Variants in WASHC2C observed in about 807,000 individuals in gnomAD.
WASHC2C encodes the protein Vaccinia Penetration Factor.
Under a neutral mutation model 142.2 loss-of-function variants are expected in WASHC2C, and 73 were observed. The ratio of observed to expected loss-of-function variants is 0.51; its 90% CI spans 0.43 to 0.62. The LOEUF (loss-of-function observed/expected upper bound fraction) is 0.62. WASHC2C is among the 20% of genes least tolerant of loss of function. The pLI, the probability that WASHC2C is intolerant of heterozygous loss-of-function variation, is 0.00. For missense variants in WASHC2C, 969 were observed against 1,531.7 expected (o/e 0.63, Z 6.13); for synonymous variants, 337 against 565.5 (o/e 0.60, Z 5.73).
chr10:45,740,950 A>G (rs1443847564), intron 5 of WASHC2C, among the ~76,000 whole-genome samples: 2 of 150,706 alleles, frequency 1.3e-5, no homozygotes, highest in African/African-American at 4.9e-5. Flanking sequence ...CACAGAACCA[A>G]ACCCTTTTTT....
chr10:45,744,119 T>G (rs71496642), intron 6 of WASHC2C, among the ~76,000 whole-genome samples: 1 of 149,922 alleles, frequency 6.7e-6, no homozygotes, highest in Non-Finnish European at 1.5e-5. Context: ...AATGCAATGG[T>G]GCGATCTTGG....
intron 3 of WASHC2C, among the ~76,000 whole-genome samples, chr10:45,731,152 G>T (rs2050525394): frequency 6.9e-6 from 1 of 145,194 alleles, no homozygotes; most frequent in East Asian, 2.0e-4. Context: ...TTTGGTAATT[G>T]TTCTTTATTT....
chr10:45,761,173 A>G (rs1241184710), intron 17 of WASHC2C, among the ~76,000 whole-genome samples: 1 of 151,520 alleles, frequency 6.6e-6, no homozygotes, highest in Non-Finnish European at 1.5e-5. Context: ...CAGCTCACTC[A>G]TATGTCTGGT....
chr10:45,788,105 A>T (rs1344822470), intron 28 of WASHC2C, among the ~76,000 whole-genome samples: 1 of 152,128 alleles, frequency 6.6e-6, no homozygotes, highest in Non-Finnish European at 1.5e-5. Context: ...GACAATTTTC[A>T]TTGGCTTTTT....
At chr10:45,759,942 C>G (rs2054880155) in intron 17 of WASHC2C, among the ~76,000 whole-genome samples, 2 of 150,102 alleles carry the variant, frequency 1.3e-5, no homozygotes, top group African/African-American at 4.9e-5. Flanking sequence ...AAAATCCTCT[C>G]TCTTTAGGAT....
intron 5 of WASHC2C, among the ~76,000 whole-genome samples, chr10:45,740,839 G>T (rs1179671920): frequency 1.3e-5 from 2 of 152,100 alleles, no homozygotes; most frequent in African/African-American, 4.8e-5. Flanking sequence ...AGAGACAATT[G>T]GGGTGACACA....
At chr10:45,732,800 G>A (rs2050756019) in intron 3 of WASHC2C, among the ~76,000 whole-genome samples, 1 of 152,226 alleles carries the variant, frequency 6.6e-6, no homozygotes, top group Non-Finnish European at 1.5e-5. Flanking sequence ...CTGAATTTTG[G>A]TCATTTTTCC....
chr10:45,727,069 G>A (rs1173493142), upstream of WASHC2C: 13 of 1,256,836 alleles, frequency 1.0e-5, no homozygotes, highest in Non-Finnish European at 1.3e-5. Flanking sequence ...CGTTCCTGGC[G>A]TCAGCCCCTA....
intron 19 of WASHC2C, among the ~76,000 whole-genome samples, chr10:45,766,515 C>G (rs1298863705): frequency 6.8e-6 from 1 of 146,310 alleles, no homozygotes; most frequent in Non-Finnish European, 1.5e-5. Context: ...CTTCTGTTTT[C>G]TCAAATGCCA....
In WASHC2C at chr10:45,737,997, A is replaced by G; in HGVS notation, c.306A>G (p.Glu102=). ...TCCATATTTAGCGTGTATATGATGA[A>G]GAAGTGGAGGAGCCAGTACTCAAGG... is the stretch of plus-strand genomic sequence containing the variant. ...TQFIENRVYD[E]EVEEPVLKAE... Residue 102 remains glutamate, a synonymous_variant, in exon 4 of 31, where the codon GAA becomes GAG. Coordinates refer to ENST00000623400, the MANE Select transcript of WASHC2C (RefSeq NM_001330074.2). The G allele has an allele frequency of 1.9e-6, 3 of 1,611,598 alleles. No homozygotes were observed. Among genetic ancestry groups the G allele is most frequent in the Non-Finnish European group, 2.5e-6 (3 of 1,179,796 alleles).
intron 12 of WASHC2C, 84 bp downstream of exon 12, chr10:45,752,790 T>C (rs1258588492): frequency 7.5e-6 from 7 of 931,322 alleles, no homozygotes; most frequent in Non-Finnish European, 1.1e-5. Flanking sequence ...GCTTGTTTAG[T>C]GGGGGAAAAA....
intron 17 of WASHC2C, among the ~76,000 whole-genome samples, chr10:45,761,920 G>T (rs1235826201): frequency 6.6e-6 from 1 of 151,950 alleles, no homozygotes; most frequent in Non-Finnish European, 1.5e-5. Flanking sequence ...GGACTCCGGG[G>T]AGCACAGGGG....
intron 23 of WASHC2C, among the ~76,000 whole-genome samples, chr10:45,780,907 C>G (rs1407238393): frequency 4.0e-5 from 6 of 151,658 alleles, no homozygotes; most frequent in African/African-American, 1.5e-4. Context: ...GCACCCACCA[C>G]CATGCCCAGC....
chr10:45,728,487 C>T (rs2050169125), intron 2 of WASHC2C, among the ~76,000 whole-genome samples: 1 of 152,024 alleles, frequency 6.6e-6, no homozygotes, highest in Non-Finnish European at 1.5e-5. Flanking sequence ...ACCTGTAATC[C>T]TAGCACTTTG....
At chr10:45,756,399 G>T (rs1293167166) in intron 15 of WASHC2C, among the ~76,000 whole-genome samples, 1 of 152,224 alleles carries the variant, frequency 6.6e-6, no homozygotes, top group Non-Finnish European at 1.5e-5. Flanking sequence ...GGAAGATTTT[G>T]TAGGTACATT....
intron 5 of WASHC2C, among the ~76,000 whole-genome samples, chr10:45,742,135 A>G (rs532572935): frequency 6.6e-6 from 1 of 152,108 alleles, no homozygotes; most frequent in East Asian, 1.9e-4. Flanking sequence ...TGGGACTGAC[A>G]GGAGTAGACG....
intron 30 of WASHC2C, among the ~76,000 whole-genome samples, chr10:45,790,804 A>G (rs1438401958): frequency 6.6e-6 from 1 of 152,168 alleles, no homozygotes; most frequent in Non-Finnish European, 1.5e-5. Context: ...CACCTCACCA[A>G]TCATCTGTGA....
intron 2 of WASHC2C, among the ~76,000 whole-genome samples, chr10:45,728,364 T>G (rs2050151874): frequency 6.6e-6 from 1 of 152,138 alleles, no homozygotes; most frequent in African/African-American, 2.4e-5. Flanking sequence ...AGAAACGAGA[T>G]AGGTGTCCAT....
At chr10:45,761,663 G>C (rs1348764549) in intron 17 of WASHC2C, among the ~76,000 whole-genome samples, 3 of 152,212 alleles carry the variant, frequency 2.0e-5, no homozygotes, top group Non-Finnish European at 4.4e-5. Flanking sequence ...GCTGAAGCTT[G>C]CCCTGTGAAG....
Sources: gnomAD v4.1 joint callset for allele counts (sites outside exome capture counted in the v4.1 genomes callset) on GRCh38, gnomAD v4.1.1 for gene constraint, MANE v1.5 for transcripts, NCBI Gene and HGNC (gene_info 2026-07-23, HGNC 2026-07-21) for gene names.